DLG2: variants seen among roughly 807,000 people sequenced by gnomAD.
The protein encoded by DLG2 is discs large MAGUK scaffold protein 2, also known as disks large homolog 2.
DLG2 carries 45 observed loss-of-function variants against 132.5 expected under a neutral mutation model. The observed-to-expected ratio is 0.34, with a 90% CI of 0.27 to 0.44. The LOEUF (loss-of-function observed/expected upper bound fraction) is 0.44, where lower values mean the gene tolerates loss of function less well. Among genes scored for constraint, DLG2 ranks in the 20% least tolerant of loss-of-function variants. The pLI, the probability that DLG2 is intolerant of heterozygous loss-of-function variation, is 1.00. For synonymous variants in DLG2, 424 were observed against 419.6 expected, an observed-to-expected ratio of 1.01 and a Z score of -0.13; for missense variants, 1,045 against 1,196.9, an observed-to-expected ratio of 0.87 and a Z score of 1.87.
intron 7 of DLG2, among the ~76,000 whole-genome samples, chr11:84,265,497 T>C (rs539867808): frequency 3.3e-5 from 5 of 152,316 alleles, no homozygotes; most frequent in African/African-American, 1.2e-4. Context: ...ACTCGGATTT[T>C]AGTCCTACTA....
chr11:85,215,439 C>T (rs923428837), intron 4 of DLG2, among the ~76,000 whole-genome samples: 14 of 152,016 alleles, frequency 9.2e-5, no homozygotes, highest in African/African-American at 2.9e-4. Context: ...CAGAATATGC[C>T]ACCTCAAAAT....
intron 7 of DLG2, among the ~76,000 whole-genome samples, chr11:84,362,873 T>A (rs1600658096): frequency 6.6e-6 from 1 of 152,204 alleles, no homozygotes; most frequent in Non-Finnish European, 1.5e-5. Flanking sequence ...TATTCCATGG[T>A]GTATATGTGC....
chr11:85,498,985 G>T (rs2093731684), intron 3 of DLG2, among the ~76,000 whole-genome samples: 2 of 152,292 alleles, frequency 1.3e-5, no homozygotes, highest in Admixed American at 6.5e-5. Flanking sequence ...ACAAGAGAAA[G>T]CTGAAGAGAT....
rs59045992 is a variant in DLG2, at chr11:83,850,162, T to TG, written c.1566-16393_1566-16392insC. On this transcript the variant is annotated intron_variant, in intron 16 of 27. Coordinates refer to ENST00000376104, the MANE Select transcript of DLG2 (RefSeq NM_001142699.3). ...TGTGTGTGTGTGTGTGTGTGTGTGT[T>TG]TTTTTACTTGAGACGGAGTCTCACT... Among the ~76,000 whole-genome samples, 931 of 115,526 alleles carry TG rather than the reference T, an allele frequency of 8.1e-3. 9 individuals carry two copies. The highest frequency in any genetic ancestry group is 9.3e-3 in the African/African-American group (230 of 24,826). The allele number at this position is 115,526 out of a possible 152,430, so 75.8% of individuals were successfully genotyped here.
chr11:85,162,483 C>A (rs560556165), intron 4 of DLG2, among the ~76,000 whole-genome samples: 24 of 152,304 alleles, frequency 1.6e-4, no homozygotes, highest in Non-Finnish European at 3.2e-4. Flanking sequence ...GTCATCAATA[C>A]CAGCTGCAAG....
chr11:84,192,839 A>G (rs2096440203), intron 8 of DLG2, among the ~76,000 whole-genome samples: 1 of 152,226 alleles, frequency 6.6e-6, no homozygotes, highest in Admixed American at 6.5e-5. Flanking sequence ...GCAAATGTAA[A>G]CACTCCTAAT....
chr11:85,098,199 C>G (rs2070218058), intron 6 of DLG2, among the ~76,000 whole-genome samples: 1 of 152,112 alleles, frequency 6.6e-6, no homozygotes, highest in South Asian at 2.1e-4. Context: ...GGATTTTAAC[C>G]CGGTACTGAG....
At chr11:84,375,396 T>G (rs1303874553) in intron 7 of DLG2, among the ~76,000 whole-genome samples, 1 of 152,150 alleles carries the variant, frequency 6.6e-6, no homozygotes, top group Admixed American at 6.6e-5. Flanking sequence ...ATATAAAACT[T>G]ACCAACTGAC....
At chr11:83,818,694 C>A (rs1218175618) in intron 17 of DLG2, among the ~76,000 whole-genome samples, 3 of 152,070 alleles carry the variant, frequency 2.0e-5, no homozygotes, top group Non-Finnish European at 4.4e-5. Flanking sequence ...GGTATGAAAG[C>A]TATATATATT....
At chr11:84,983,398 C>G (rs1454678216) in intron 6 of DLG2, among the ~76,000 whole-genome samples, 1 of 152,104 alleles carries the variant, frequency 6.6e-6, no homozygotes, top group Non-Finnish European at 1.5e-5. Context: ...ATAGCAATCA[C>G]TACAGTTCGG....
At chr11:85,534,728 G>A (rs1863256) in intron 3 of DLG2, among the ~76,000 whole-genome samples, 31,790 of 152,066 alleles carry the variant, frequency 0.21, 3,835 homozygotes, top group East Asian at 0.31. Flanking sequence ...TTTCCTTTAC[G>A]TATTCCATCG....
At chr11:84,687,622 T>C (rs1327930772) in intron 6 of DLG2, among the ~76,000 whole-genome samples, 3 of 152,194 alleles carry the variant, frequency 2.0e-5, no homozygotes, top group Admixed American at 2.0e-4. Flanking sequence ...ATTTGCACAA[T>C]AGCCTCCAGG....
At chr11:85,005,352 T>A (rs2058559414) in intron 6 of DLG2, among the ~76,000 whole-genome samples, 1 of 152,196 alleles carries the variant, frequency 6.6e-6, no homozygotes. Flanking sequence ...ATTCTTCCTA[T>A]CCATGAGCAT....
At chr11:83,990,385 A>G (rs983475697) in intron 11 of DLG2, among the ~76,000 whole-genome samples, 1 of 152,150 alleles carries the variant, frequency 6.6e-6, no homozygotes, top group African/African-American at 2.4e-5. Context: ...GCATAAGCAC[A>G]GGGAAGTCTG....
chr11:83,901,753 T>C lies in DLG2; in HGVS notation c.1497-27265A>G, dbSNP rs2073505872. Among the ~76,000 whole-genome samples the C allele has an allele frequency of 2.6e-5, 4 of 152,216 alleles. No homozygotes were observed. In the South Asian group the frequency reaches 8.3e-4, roughly 32 times the overall value. On this transcript the variant is annotated intron_variant, in intron 15 of 27. Transcript: ENST00000376104. ...CAGTTTCCATCTGCTGTTGTCATAG[T>C]GTAGCAAAGACAAAGTCAGAAGACC...
At chr11:84,817,145 T>C (rs989822113) in intron 6 of DLG2, among the ~76,000 whole-genome samples, 1 of 152,016 alleles carries the variant, frequency 6.6e-6, no homozygotes, top group Non-Finnish European at 1.5e-5. Flanking sequence ...GAGCAATCTT[T>C]TAAAAGAGGA....
At chr11:84,420,326 C>T (rs2098944395) in intron 7 of DLG2, among the ~76,000 whole-genome samples, 1 of 152,180 alleles carries the variant, frequency 6.6e-6, no homozygotes, top group South Asian at 2.1e-4. Flanking sequence ...TGTGAAGAGA[C>T]AAGTCCCTTT....
intron 4 of DLG2, among the ~76,000 whole-genome samples, chr11:85,185,420 T>C (rs944748409): frequency 5.3e-5 from 8 of 152,020 alleles, no homozygotes; most frequent in African/African-American, 1.9e-4. Context: ...CACTAATTTA[T>C]GCACGCACAC....
intron 3 of DLG2, among the ~76,000 whole-genome samples, chr11:85,450,449 T>C (rs2092197262): frequency 6.6e-6 from 1 of 152,228 alleles, no homozygotes; most frequent in South Asian, 2.1e-4. Context: ...AAATGCCCTC[T>C]AGATAGCTAT....
Sources: gnomAD v4.1 joint callset for allele counts (sites outside exome capture counted in the v4.1 genomes callset) on GRCh38, gnomAD v4.1.1 for gene constraint, MANE v1.5 for transcripts, NCBI Gene and HGNC (gene_info 2026-07-23, HGNC 2026-07-21) for gene names.